BCOR: variants seen among roughly 807,000 people sequenced by gnomAD.
The protein encoded by BCOR is BCL6 corepressor.
In BCOR, 10 loss-of-function variants were observed where a neutral mutation model predicts 86.7. The ratio of observed to expected loss-of-function variants is 0.12; its 90% CI spans 0.07 to 0.20. The LOEUF (loss-of-function observed/expected upper bound fraction) is 0.20. BCOR is among the 10% of genes least tolerant of loss of function. The pLI is 1.00. For missense variants in BCOR, 1,259 were observed against 1,452.1 expected, an observed-to-expected ratio of 0.87 and a Z score of 2.16; for synonymous variants, 611 against 609.0, an observed-to-expected ratio of 1.00 and a Z score of -0.05.
intron 1 of BCOR, among the ~76,000 whole-genome samples, chrX:40,144,791 T>G (rs764952841): frequency 2.7e-5 from 3 of 109,481 alleles, no homozygotes; most frequent in Non-Finnish European, 5.7e-5. Flanking sequence ...ACTCCTTGCC[T>G]GCTGGTGTTT....
intron 1 of BCOR, among the ~76,000 whole-genome samples, chrX:40,094,745 C>G (rs1330859935): frequency 1.8e-5 from 2 of 112,621 alleles, no homozygotes; most frequent in East Asian, 5.6e-4. Context: ...CGCGCCGCCC[C>G]GCGAAGTTAC....
intron 1 of BCOR, among the ~76,000 whole-genome samples, chrX:40,167,395 G>C (rs932510046): frequency 8.9e-6 from 1 of 112,364 alleles, no homozygotes; most frequent in Non-Finnish European, 1.9e-5. Context: ...TCTGTGCCCG[G>C]CGCCTGTCCC....
At chrX:40,152,713 G>A (rs1326157090) in intron 1 of BCOR, among the ~76,000 whole-genome samples, 2 of 112,965 alleles carry the variant, frequency 1.8e-5, no homozygotes, top group Non-Finnish European at 3.8e-5. Context: ...GGAGTGCGGG[G>A]TGCTGCGGGG....
upstream of BCOR, among the ~76,000 whole-genome samples, chrX:40,101,660 C>T (rs1401115414): frequency 8.9e-6 from 1 of 112,916 alleles, no homozygotes; most frequent in East Asian, 2.8e-4. Context: ...CTCCCACACA[C>T]CTCCAGCTCC....
In BCOR at chrX:40,072,337, G is replaced by C. The variant is rs756804791; in HGVS notation, c.2997+12C>G. 1.9e-5 allele frequency: 23 copies of C among 1,200,514 alleles called. No individual in the cohort carries two copies. In the East Asian group the frequency reaches 3.6e-4, roughly 19 times the overall value. ...CTGGTAAAGTAACTGAAATTCAGGT[G>C]GGGGGGCTCACCTGCAATGCCCGTT... On this transcript the variant is annotated intron_variant, in intron 4 of 14. Transcript: ENST00000378444.
intron 1 of BCOR, among the ~76,000 whole-genome samples, chrX:40,162,035 C>A (rs1455348113): frequency 1.8e-5 from 2 of 111,632 alleles, no homozygotes; most frequent in Non-Finnish European, 1.9e-5. Context: ...AACTTACGAA[C>A]CAGTGCCTGC....
chrX:40,076,582 A>C (rs1334253726), intron 2 of BCOR, 50 bp from the exon 3 acceptor site: 1 of 982,129 alleles, frequency 1.0e-6, no homozygotes, highest in Admixed American at 2.2e-5. Context: ...CACTGAATCC[A>C]TCTTTCACAG....
chrX:40,124,277 T>A (rs1195762851), intron 1 of BCOR, among the ~76,000 whole-genome samples: 1 of 102,032 alleles, frequency 9.8e-6, no homozygotes, highest in African/African-American at 4.1e-5. Flanking sequence ...CTATATACAT[T>A]TTTTTTTTTC....
At chrX:40,052,445 A>G in intron 14 of BCOR, 45 bp from the exon 15 acceptor site, 1 of 1,162,810 alleles carries the variant, frequency 8.6e-7, no homozygotes, top group Non-Finnish European at 1.2e-6. Context: ...AGTAAAATGA[A>G]AAGTGCGCCC....
intron 1 of BCOR, among the ~76,000 whole-genome samples, chrX:40,174,464 CAAGA>C (rs1028386923): frequency 1.6e-4 from 18 of 112,627 alleles, no homozygotes; most frequent in Non-Finnish European, 3.0e-4. Context: ...GCGTGGTGCG[CAAGA>C]AAGAGCCCGA....
At chrX:40,171,137 C>T (rs777284972) in intron 1 of BCOR, among the ~76,000 whole-genome samples, 1 of 112,288 alleles carries the variant, frequency 8.9e-6, no homozygotes, top group African/African-American at 3.2e-5. Context: ...CCTACACCCT[C>T]CTTCCTCCAG....
intron 1 of BCOR, among the ~76,000 whole-genome samples, chrX:40,121,304 G>A (rs1161444806): frequency 9.0e-6 from 1 of 110,623 alleles, no homozygotes; most frequent in Non-Finnish European, 1.9e-5. Context: ...CCCTCCACCC[G>A]CTTCACTTAG....
chrX:40,100,906 G>T (rs747894244), upstream of BCOR, among the ~76,000 whole-genome samples: 1 of 109,067 alleles, frequency 9.2e-6, no homozygotes, highest in African/African-American at 3.3e-5. Context: ...TTGCCTCCAC[G>T]GTAGGCTGGT....
At chrX:40,139,414 TA>T (rs1222040681) in intron 1 of BCOR, among the ~76,000 whole-genome samples, 4,218 of 14,864 alleles carry the variant, frequency 0.28, 1,450 homozygotes, top group African/African-American at 0.66. Flanking sequence ...TATATATATA[TA>T]ATATATATAC....
In BCOR at chrX:40,073,497, C is replaced by A. The variant is rs143744110; in HGVS notation, c.1849G>T (p.Ala617Ser). 1.6e-6 allele frequency: 2 copies of A among 1,212,259 alleles called. No individual in the cohort carries two copies. Among genetic ancestry groups the A allele is most frequent in the East Asian group, 5.9e-5 (2 of 33,869 alleles). The change falls in exon 4 of 15, where the codon GCC (alanine) becomes TCC (serine). Residue 617 changes from alanine to serine, a missense_variant. Around this residue, in one of 7 missense-constraint regions of BCOR, gnomAD observed 534 missense variants for 594.8 expected, o/e 0.90. Coordinates refer to ENST00000378444, the MANE Select transcript of BCOR (RefSeq NM_001123385.2). ...KHSSSTSSKG[A>S]KASNPEPSFK... ...CTCGGTTCTGGGTTGCTGGCTTTGG[C>A]GCCCTTGCTGCTGGTGCTGCTACTG...
chrX:40,107,841 T>C (rs1248059464), intron 1 of BCOR, among the ~76,000 whole-genome samples: 3 of 113,231 alleles, frequency 2.6e-5, no homozygotes, highest in Non-Finnish European at 3.8e-5. Context: ...GCGAGATCTA[T>C]TTGTGTGGTG....
intron 1 of BCOR, among the ~76,000 whole-genome samples, chrX:40,088,679 A>T (rs892380758): frequency 8.9e-6 from 1 of 112,081 alleles, no homozygotes; most frequent in African/African-American, 3.3e-5. Context: ...TTTTAAATAC[A>T]TATTGATATA....
rs1935686253 is a variant in BCOR at position 40,074,533 on chromosome X, C to T, written c.813G>A (p.Ser271=). 6 of 1,206,472 alleles carry T rather than the reference C, an allele frequency of 5.0e-6. No homozygotes were observed. The highest frequency in any genetic ancestry group is 4.4e-5 in the Admixed American group (2 of 45,441). The change falls in exon 4 of 15, where the codon TCG becomes TCA. Residue 271 remains serine (S), a synonymous_variant. Transcript: ENST00000378444. ...CGAGAGGCGGGATGGCTGGGGAGGCCGAAGGTGTCGAGAGCCTCATGGGTG... is the reference window on the plus strand; with the variant it reads ...CGAGAGGCGGGATGGCTGGGGAGGCTGAAGGTGTCGAGAGCCTCATGGGTG... ...LASPMRLSTP[S]ASPAIPPLVH...
intron 6 of BCOR, among the ~76,000 whole-genome samples, chrX:40,066,736 A>G (rs896441558): frequency 1.8e-5 from 2 of 111,545 alleles, no homozygotes; most frequent in Non-Finnish European, 3.8e-5. Context: ...TTACTTTTAT[A>G]CTTTTAAAGT....
Sources: allele counts gnomAD v4.1 joint callset (sites outside exome capture counted in the v4.1 genomes callset), GRCh38; gene constraint gnomAD v4.1.1; regional missense constraint gnomAD v4.1.1; transcripts MANE v1.5; gene names NCBI Gene and HGNC (gene_info 2026-07-23, HGNC 2026-07-21).